PHYKPL: variants seen among roughly 807,000 people sequenced by gnomAD.
The protein encoded by PHYKPL is 5-phosphohydroxy-L-lysine phospho-lyase, also known as 5-phosphonooxy-L-lysine phospho-lyase.
PHYKPL carries 42 observed loss-of-function variants against 51.3 expected under a neutral mutation model. That is an observed-to-expected ratio of 0.82 (90% CI 0.64 to 1.06). The LOEUF is 1.06. Ranked by LOEUF, PHYKPL falls within the 50% of genes least tolerant of loss-of-function variation. The pLI is 0.00. For missense variants in PHYKPL, 655 were observed against 586.6 expected (o/e 1.12, Z -1.20); for synonymous variants, 264 against 236.0 (o/e 1.12, Z -1.09).
At position 178,232,475 on chromosome 5, in the gene PHYKPL, G is replaced by A. The variant is rs749198645; in HGVS notation, c.59+17C>T. The A allele has an allele frequency of 6.5e-6, 8 of 1,232,508 alleles. No homozygotes were observed. The South Asian group carries it at 7.5e-5, about 12-fold the overall frequency. The allele number at this position is 1,232,508 out of a possible 1,614,324, so 76.3% of individuals were successfully genotyped here. A position where few individuals can be genotyped will look rare whatever the true frequency, so the allele number is the denominator to read the frequency against. On this transcript the variant is annotated intron_variant, in intron 1 of 12. Transcript: ENST00000308158. ...CGCAGCCCCGCGCCCCCCGCCGCCCGCCCCCCGCCCGGGTACCTGATGAGC... is the reference window on the plus strand; with the variant it reads ...CGCAGCCCCGCGCCCCCCGCCGCCCACCCCCCGCCCGGGTACCTGATGAGC...
chr5:178,232,444 T>TCTCCGCGCAGCCCCGCG (rs964170207), intron 1 of PHYKPL, 48 bp downstream of exon 1: 1 of 1,379,126 alleles, frequency 7.3e-7, no homozygotes, highest in Non-Finnish European at 9.3e-7. Flanking sequence ...TGCGCGTGCC[T>TCTCCGCGCAGCCCCGCG]CTCCGCGCAG....
At chr5:178,223,496 G>T (rs1333591448) in intron 6 of PHYKPL, 1 of 456,240 alleles carries the variant, frequency 2.2e-6, no homozygotes, top group African/African-American at 2.0e-5. Flanking sequence ...ATATGGCAAT[G>T]ATTTCCCAAC....
chr5:178,209,795 T>C (rs1757626690), intron 12 of PHYKPL, among the ~76,000 whole-genome samples: 1 of 152,146 alleles, frequency 6.6e-6, no homozygotes, highest in African/African-American at 2.4e-5. Flanking sequence ...CAGGCATTTA[T>C]CCCCTTCCAT....
rs753299569 is a variant in PHYKPL, at chr5:178,223,395, A to G, written c.619-461T>C. The G allele has an allele frequency of 1.8e-5, 8 of 456,438 alleles. No individual in the cohort carries two copies. The East Asian group carries it at 2.1e-4, about 12-fold the overall frequency. 28.3% of individuals were successfully genotyped at this position (456,438 alleles called of 1,614,324 possible). A position where few individuals can be genotyped will look rare whatever the true frequency, so the allele number is the denominator to read the frequency against. ...TCTAACTGAATGCCTTTTCCAGTCC[A>G]TCCTCCACATGGCCACCAGGGTGAT... On this transcript the variant is annotated intron_variant, in intron 6 of 12. Transcript: ENST00000308158.
chr5:178,218,565 A>G (rs2113819658), intron 8 of PHYKPL, among the ~76,000 whole-genome samples: 1 of 152,296 alleles, frequency 6.6e-6, no homozygotes, highest in South Asian at 2.1e-4. Context: ...GCTGGCTGTC[A>G]GCAACCCGGA....
chr5:178,221,557 C>A (rs953054827), intron 8 of PHYKPL, among the ~76,000 whole-genome samples: 3 of 152,146 alleles, frequency 2.0e-5, no homozygotes, highest in Non-Finnish European at 2.9e-5. Context: ...TGTCACTTCC[C>A]TCACCCCTAA....
At chr5:178,226,834 G>A (rs537887893) in intron 3 of PHYKPL, 168 of 152,312 alleles carry the variant, frequency 1.1e-3, no homozygotes, top group African/African-American at 3.9e-3. Flanking sequence ...TAACAAAAGA[G>A]TGTAACAAGG....
chr5:178,212,206 C>CT (rs1207278234), intron 11 of PHYKPL, among the ~76,000 whole-genome samples: 3 of 152,232 alleles, frequency 2.0e-5, no homozygotes, highest in Admixed American at 2.0e-4. Flanking sequence ...TGTGGCCAGC[C>CT]TTTGCTCTCC....
rs771614028 is a variant in PHYKPL, at chr5:178,231,770, G to GC, written c.60-248dup. On this transcript the variant is annotated intron_variant, in intron 1 of 12. Coordinates refer to ENST00000308158, the MANE Select transcript of PHYKPL (RefSeq NM_153373.4). ...TCTGAAAGCATTTTCAGCCTCTGTG[G>GC]CCTCCTTGCTCATTTCTGCATGTGT... The GC allele has an allele frequency of 4.1e-6, 6 of 1,470,366 alleles. No homozygotes were observed. The South Asian group carries it at 4.8e-5, about 12-fold the overall frequency. The allele number at this position is 1,470,366 out of a possible 1,614,324, so 91.1% of individuals were successfully genotyped here.
At position 178,222,395 on chromosome 5, in the gene PHYKPL, G is replaced by A. The variant is rs759651226; in HGVS notation, c.887C>T (p.Ala296Val). The change falls in exon 8 of 13, where the codon GCG (alanine) becomes GTG (valine). Residue 296 changes from alanine (A) to valine (V), a missense_variant. Coordinates refer to ENST00000308158, the MANE Select transcript of PHYKPL (RefSeq NM_153373.4). Reference protein sequence around the residue: ...VACVAATQPVARAFEATGVEY... With the variant: ...VACVAATQPVVRAFEATGVEY... ...AACGCCGGTGGCTTCAAATGCCCTCGCCACAGGCTGGGTTGCGGCCACGCA... is the reference window on the plus strand; with the variant it reads ...AACGCCGGTGGCTTCAAATGCCCTCACCACAGGCTGGGTTGCGGCCACGCA... 29 of 1,613,842 alleles carry A rather than the reference G, an allele frequency of 1.8e-5. No individual in the cohort carries two copies. The Admixed American group carries it at 2.8e-4, about 16-fold the overall frequency.
chr5:178,225,589 T>G, intron 3 of PHYKPL, 160 bp from the exon 4 acceptor site: 1 of 657,310 alleles, frequency 1.5e-6, no homozygotes, highest in Non-Finnish European at 2.7e-6. Context: ...ATGCCTCCTA[T>G]GTACTAGAAG....
intron 12 of PHYKPL, chr5:178,210,460 G>T: frequency 3.4e-6 from 5 of 1,489,868 alleles, no homozygotes; most frequent in South Asian, 1.1e-5. Context: ...CTGCTGTCAC[G>T]GCTGGTGAGG....
intron 12 of PHYKPL, chr5:178,211,422 C>T (rs1167336610): frequency 1.3e-5 from 2 of 159,452 alleles, no homozygotes; most frequent in African/African-American, 4.8e-5. Flanking sequence ...CATGTCCCCT[C>T]CTGGGACACC....
chr5:178,211,525 GTGCTCCTCCTGGCTGGTGAAGAAAAGCC>G (rs766583003), intron 12 of PHYKPL: 259 of 223,042 alleles, frequency 1.2e-3, no homozygotes, highest in Non-Finnish European at 1.8e-3. Context: ...GGGCACAATA[GTGCTCCTCCTGGCTGGTGAAGAAAAGCC>G]TGCTCTGGCA....
chr5:178,224,440 A>G lies in PHYKPL; in HGVS notation c.618+8T>C. The G allele has an allele frequency of 6.4e-7, 1 of 1,564,396 alleles. No homozygotes were observed. Among genetic ancestry groups the G allele is most frequent in the South Asian group, 1.2e-5 (1 of 82,546 alleles). ...TTGGCTGGATTGGACAGGCGCGGAC[A>G]CGGTTACCTTCCTGCCCTTCTCCTG... On this transcript the variant is annotated splice_region_variant and intron_variant, in intron 6 of 12. Transcript: ENST00000308158.
chr5:178,231,835 C>T, intron 1 of PHYKPL: 2 of 1,357,752 alleles, frequency 1.5e-6, no homozygotes, highest in South Asian at 1.2e-5. Flanking sequence ...GGTGGCTGCC[C>T]CGTCCCATGG....
chr5:178,225,413 G>A lies in PHYKPL; in HGVS notation c.355C>T (p.Leu119=). The A allele has an allele frequency of 6.2e-7, 1 of 1,614,198 alleles. No homozygotes were observed. Residue 119 remains leucine (L), a synonymous_variant, in exon 4 of 13, where the codon CTG becomes TTG. Coordinates refer to ENST00000308158, the MANE Select transcript of PHYKPL (RefSeq NM_153373.4). ...TAGTGGCGAGCCAGCCTCAGGGCCA[G>A]GTCATTGGCTTCTGACCTATGACCG... is the stretch of plus-strand genomic sequence containing the variant. ...FLNSGSEAND[L]ALRLARHYTG... is the part of the protein sequence containing the mutation.
Position 178,230,087 on chromosome 5 carries a change from T to A in PHYKPL, c.191A>T (p.His64Leu), listed in dbSNP as rs1317837671. ...ISNVAHVGHC[H>L]PLVVQAAHEQ... is the part of the protein sequence containing the mutation. ...ATGTGCTGCTTGGACCACGAGAGGGTGGCAGTGCCCAACTGGAAGAGGGCC... is the reference window on the plus strand; with the variant it reads ...ATGTGCTGCTTGGACCACGAGAGGGAGGCAGTGCCCAACTGGAAGAGGGCC... Residue 64 changes from histidine (H) to leucine (L), a missense_variant, in exon 3 of 13, where the codon CAC becomes CTC. His to Leu is a moderately conservative substitution (Grantham distance 99, BLOSUM62 -3). Coordinates refer to ENST00000308158, the MANE Select transcript of PHYKPL (RefSeq NM_153373.4). 1 of 1,613,816 alleles carries A rather than the reference T, an allele frequency of 6.2e-7. No homozygotes were observed. The highest frequency in any genetic ancestry group is 1.1e-5 in the South Asian group (1 of 91,084).
At chr5:178,226,962 C>T (rs948529208) in intron 3 of PHYKPL, among the ~76,000 whole-genome samples, 5 of 143,912 alleles carry the variant, frequency 3.5e-5, no homozygotes, top group African/African-American at 1.4e-4. Flanking sequence ...CACACACACG[C>T]CACCACAAAG....
Sources: allele counts gnomAD v4.1 joint callset (sites outside exome capture counted in the v4.1 genomes callset), GRCh38; gene constraint gnomAD v4.1.1; transcripts MANE v1.5; gene names NCBI Gene and HGNC (gene_info 2026-07-23, HGNC 2026-07-21).